Variants in RALGPS2 observed in about 807,000 individuals in gnomAD.
RALGPS2 encodes the protein Ral GEF with PH domain and SH3 binding motif 2.
In RALGPS2, 43 loss-of-function variants were observed where a neutral mutation model predicts 86.8. The ratio of observed to expected loss-of-function variants is 0.50; its 90% CI spans 0.39 to 0.64. RALGPS2 has a LOEUF of 0.64. RALGPS2 is among the 30% of genes least tolerant of loss of function. The pLI, the probability that RALGPS2 is intolerant of heterozygous loss-of-function variation, is 0.00. For synonymous variants in RALGPS2, 243 were observed against 231.3 expected, an observed-to-expected ratio of 1.05 and a Z score of -0.46; for missense variants, 536 against 694.6, an observed-to-expected ratio of 0.77 and a Z score of 2.57.
chr1:178,832,936 G>A lies in RALGPS2; in HGVS notation c.481-488G>A, dbSNP rs535918145. On this transcript the variant is annotated intron_variant, in intron 7 of 19. Coordinates refer to ENST00000367635, the MANE Select transcript of RALGPS2 (RefSeq NM_152663.5). Reference sequence around the variant, plus strand: ...AAGAAAATATCAGAAATCCAAAAATGTAAGGAATTAAAGGATTTTACAGTT... The same window carrying A: ...AAGAAAATATCAGAAATCCAAAAATATAAGGAATTAAAGGATTTTACAGTT... Among the ~76,000 whole-genome samples the A allele has an allele frequency of 1.1e-3, 162 of 151,998 alleles. 9 individuals carry two copies. In the South Asian group the frequency reaches 0.029, roughly 28 times the overall value.
chr1:178,837,650 C>T (rs983808023), intron 8 of RALGPS2, among the ~76,000 whole-genome samples: 3 of 152,264 alleles, frequency 2.0e-5, no homozygotes, highest in Non-Finnish European at 2.9e-5. Context: ...ACTGAGGTAC[C>T]GGGTTCATCT....
At chr1:178,859,693 C>A (rs990816894) in intron 8 of RALGPS2, among the ~76,000 whole-genome samples, 35 of 131,260 alleles carry the variant, frequency 2.7e-4, no homozygotes, top group Non-Finnish European at 4.2e-4. Context: ...ATACACGAAG[C>A]ACTTTTTTTT....
intron 1 of RALGPS2, among the ~76,000 whole-genome samples, chr1:178,751,700 A>G (rs1233763464): frequency 2.0e-5 from 3 of 152,196 alleles, no homozygotes; most frequent in African/African-American, 7.2e-5. Context: ...TTATGCAGGA[A>G]GGAGTAAGTG....
chr1:178,822,346 T>G (rs552275142), intron 7 of RALGPS2, among the ~76,000 whole-genome samples: 2 of 152,140 alleles, frequency 1.3e-5, no homozygotes, highest in African/African-American at 4.8e-5. Context: ...ATAGTTTATA[T>G]AAGTAAAATT....
At chr1:178,840,266 G>C (rs1656525593) in intron 8 of RALGPS2, among the ~76,000 whole-genome samples, 1 of 152,206 alleles carries the variant, frequency 6.6e-6, no homozygotes, top group Non-Finnish European at 1.5e-5. Flanking sequence ...GCACTCCTCA[G>C]CAAATGTAAA....
intron 13 of RALGPS2, among the ~76,000 whole-genome samples, chr1:178,887,498 T>A (rs2102382062): frequency 6.6e-6 from 1 of 152,246 alleles, no homozygotes; most frequent in South Asian, 2.1e-4. Flanking sequence ...CTTTTATTTT[T>A]AAAAAGAAAT....
chr1:178,887,046 A>G (rs552030068), intron 13 of RALGPS2, among the ~76,000 whole-genome samples: 11 of 152,216 alleles, frequency 7.2e-5, no homozygotes, highest in Non-Finnish European at 1.5e-5. Context: ...CAGAAAATAG[A>G]GACCATATTA....
At chr1:178,838,840 C>G (rs978643231) in intron 8 of RALGPS2, among the ~76,000 whole-genome samples, 1 of 152,168 alleles carries the variant, frequency 6.6e-6, no homozygotes, top group East Asian at 1.9e-4. Context: ...GAGCTGAAAA[C>G]CATGGCACAA....
At chr1:178,787,587 G>A (rs1653717832) in intron 4 of RALGPS2, among the ~76,000 whole-genome samples, 1 of 152,138 alleles carries the variant, frequency 6.6e-6, no homozygotes, top group Admixed American at 6.5e-5. Flanking sequence ...GGATATTGAA[G>A]ATCCAGATAA....
chr1:178,729,312 C>T (rs1030044894), intron 1 of RALGPS2, among the ~76,000 whole-genome samples: 1 of 151,998 alleles, frequency 6.6e-6, no homozygotes, highest in African/African-American at 2.4e-5. Flanking sequence ...GACATTAAAA[C>T]GTACATTAGT....
intron 7 of RALGPS2, among the ~76,000 whole-genome samples, chr1:178,829,122 T>C (rs557488616): frequency 6.6e-6 from 1 of 152,350 alleles, no homozygotes; most frequent in African/African-American, 2.4e-5. Flanking sequence ...AATTTGGAGA[T>C]CATTATCCTC....
chr1:178,792,696 C>T (rs1654012614), intron 4 of RALGPS2, among the ~76,000 whole-genome samples: 1 of 152,154 alleles, frequency 6.6e-6, no homozygotes, highest in Non-Finnish European at 1.5e-5. Flanking sequence ...GCTGCGTGAC[C>T]AAATTTGGAT....
At chr1:178,729,140 A>T (rs187753440) in intron 1 of RALGPS2, among the ~76,000 whole-genome samples, 1 of 151,958 alleles carries the variant, frequency 6.6e-6, no homozygotes, top group Admixed American at 6.6e-5. Context: ...CTGTTATTTC[A>T]CTTACATGAC....
chr1:178,819,232 G>A (rs1655383092), intron 6 of RALGPS2, among the ~76,000 whole-genome samples: 1 of 152,066 alleles, frequency 6.6e-6, no homozygotes, highest in African/African-American at 2.4e-5. Flanking sequence ...GGCTCAAGCA[G>A]TTCACCTGCC....
rs1032819674 is a variant in RALGPS2, at chr1:178,785,440, C to T, written c.163-117C>T. On this transcript the variant is annotated intron_variant, in intron 3 of 19. Coordinates refer to ENST00000367635, the MANE Select transcript of RALGPS2 (RefSeq NM_152663.5). ...GGGGCTAAATTTTGTTTTCCATAAG[C>T]CCTTATAAAATTGAGTATTTGGTAA... is the stretch of plus-strand genomic sequence containing the variant. The T allele has an allele frequency of 6.4e-6, 7 of 1,099,454 alleles. No individual in the cohort carries two copies. The Admixed American group carries it at 1.3e-4, about 20-fold the overall frequency. 68.1% of individuals were successfully genotyped at this position (1,099,454 alleles called of 1,614,324 possible). A position where few individuals can be genotyped will look rare whatever the true frequency, so the allele number is the denominator to read the frequency against.
intron 8 of RALGPS2, chr1:178,850,879 AAAAC>A (rs1328216750): frequency 3.1e-6 from 1 of 324,820 alleles, no homozygotes; most frequent in African/African-American, 2.1e-5. Flanking sequence ...TACATTTTAG[AAAAC>A]AAACTTTGTA....
intron 8 of RALGPS2, chr1:178,852,743 T>C: frequency 6.2e-7 from 1 of 1,613,910 alleles, no homozygotes. Flanking sequence ...TGCCACATCA[T>C]AGAATCCCCT....
chr1:178,742,708 C>T (rs963253389), intron 1 of RALGPS2, among the ~76,000 whole-genome samples: 3 of 152,068 alleles, frequency 2.0e-5, no homozygotes, highest in Non-Finnish European at 4.4e-5. Context: ...TGTTTTGGTC[C>T]ACAAAAAAGT....
In RALGPS2 at chr1:178,916,322, T is replaced by A; in HGVS notation, c.1723-8T>A. 1 of 1,587,158 alleles carries A rather than the reference T, an allele frequency of 6.3e-7. No homozygotes were observed. The highest frequency in any genetic ancestry group is 8.6e-7 in the Non-Finnish European group (1 of 1,157,412). ...TTAAACTCAGTTTTTAATGCTTATA[T>A]TTTTTAGGTTCCTACAAACTTGATG... On this transcript the variant is annotated splice_polypyrimidine_tract_variant and splice_region_variant and intron_variant, in intron 19 of 19. Transcript: ENST00000367635.
Sources: gnomAD v4.1 joint callset for allele counts (sites outside exome capture counted in the v4.1 genomes callset) on GRCh38, gnomAD v4.1.1 for gene constraint, MANE v1.5 for transcripts, NCBI Gene and HGNC (gene_info 2026-07-23, HGNC 2026-07-21) for gene names.